Variants in ELOVL6 observed in about 807,000 individuals in gnomAD.
ELOVL6 encodes ELOVL fatty acid elongase 6.
ELOVL6 carries 8 observed loss-of-function variants against 31.7 expected under a neutral mutation model. That is an observed-to-expected ratio of 0.25 (90% CI 0.15 to 0.45). The LOEUF is 0.45. Ranked by LOEUF, ELOVL6 falls within the 20% of genes least tolerant of loss-of-function variation. ELOVL6 has a pLI of 1.00. For missense variants in ELOVL6, 126 were observed against 326.4 expected (o/e 0.39, Z 4.73); for synonymous variants, 101 against 117.7 (o/e 0.86, Z 0.92).
chr4:110,115,045 T>C (rs1266332226), intron 1 of ELOVL6, among the ~76,000 whole-genome samples: 2 of 152,078 alleles, frequency 1.3e-5, no homozygotes, highest in Non-Finnish European at 2.9e-5. Context: ...AATCACCTCA[T>C]AGACAGCTGA....
intron 1 of ELOVL6, chr4:110,117,903 A>AATAAATATATATATATATATATATAT (rs1757223933): frequency 1.5e-4 from 1 of 6,506 alleles, no homozygotes; most frequent in Non-Finnish European, 3.7e-4. Context: ...AAAAAAAAAA[A>AATAAATATATATATATATATATATAT]ATATATATAT....
intron 1 of ELOVL6, among the ~76,000 whole-genome samples, chr4:110,158,657 A>ATATATATATTTTTTTTTTT: frequency 1.3e-5 from 1 of 74,162 alleles, no homozygotes; most frequent in East Asian, 3.1e-4. Flanking sequence ...ATATATATAT[A>ATATATATATTTTTTTTTTT]TTTTTTTTTT....
At chr4:110,107,453 G>A (rs771246353) in intron 1 of ELOVL6, among the ~76,000 whole-genome samples, 17 of 152,102 alleles carry the variant, frequency 1.1e-4, no homozygotes, top group Admixed American at 7.2e-4. Context: ...TACTTTCCCC[G>A]TAATACATTA....
At chr4:110,106,506 G>C (rs10012789) in intron 1 of ELOVL6, among the ~76,000 whole-genome samples, 47,079 of 151,844 alleles carry the variant, frequency 0.31, 8,407 homozygotes, top group East Asian at 0.71. Context: ...TTTTTAGACT[G>C]TATACTGTAC....
chr4:110,093,684 C>T (rs1467195402), intron 2 of ELOVL6, among the ~76,000 whole-genome samples: 2 of 152,032 alleles, frequency 1.3e-5, no homozygotes, highest in African/African-American at 4.8e-5. Flanking sequence ...TAAAGAGCAC[C>T]TACTTAGGCA....
At chr4:110,073,556 A>T (rs1053838611) in intron 2 of ELOVL6, among the ~76,000 whole-genome samples, 4 of 152,238 alleles carry the variant, frequency 2.6e-5, no homozygotes, top group African/African-American at 4.8e-5. Context: ...CTTGCTTCAC[A>T]GATTCCCAGA....
chr4:110,187,407 G>A (rs538536464), intron 1 of ELOVL6, among the ~76,000 whole-genome samples: 1 of 149,948 alleles, frequency 6.7e-6, no homozygotes, highest in East Asian at 2.0e-4. Flanking sequence ...TAACTGCTTG[G>A]ACAAATGAAG....
intron 2 of ELOVL6, among the ~76,000 whole-genome samples, chr4:110,084,034 G>GATATATATCAT: frequency 1.1e-4 from 1 of 9,214 alleles, no homozygotes; most frequent in African/African-American, 2.7e-4. Context: ...TGCCATATAT[G>GATATATATCAT]GTATATAACA....
At chr4:110,108,832 T>C (rs1756955358) in intron 1 of ELOVL6, among the ~76,000 whole-genome samples, 1 of 152,220 alleles carries the variant, frequency 6.6e-6, no homozygotes, top group Admixed American at 6.5e-5. Context: ...CACAGAAATC[T>C]TTTACTGTAG....
chr4:110,176,086 G>A (rs72900563), intron 1 of ELOVL6, among the ~76,000 whole-genome samples: 1 of 150,146 alleles, frequency 6.7e-6, no homozygotes, highest in African/African-American at 2.4e-5. Context: ...TATCTTCAGA[G>A]ATTAAAGAGT....
intron 1 of ELOVL6, among the ~76,000 whole-genome samples, chr4:110,187,437 A>G (rs537138185): frequency 1.3e-5 from 2 of 151,476 alleles, no homozygotes; most frequent in Middle Eastern, 3.4e-3. Context: ...GTTAGACCTC[A>G]GCAAAATGAA....
chr4:110,185,968 G>T (rs1398662021), intron 1 of ELOVL6, among the ~76,000 whole-genome samples: 9 of 152,090 alleles, frequency 5.9e-5, no homozygotes, highest in African/African-American at 1.4e-4. Context: ...GAGGTGGGCG[G>T]ATCACAAGGT....
chr4:110,197,417 C>T (rs1314474607), intron 1 of ELOVL6, among the ~76,000 whole-genome samples: 1 of 152,140 alleles, frequency 6.6e-6, no homozygotes, highest in Non-Finnish European at 1.5e-5. Context: ...TTATTAGTTT[C>T]CTAGGGAAGA....
At chr4:110,194,248 A>G (rs747791800) in intron 1 of ELOVL6, among the ~76,000 whole-genome samples, 1 of 152,214 alleles carries the variant, frequency 6.6e-6, no homozygotes, top group Non-Finnish European at 1.5e-5. Context: ...TCTATTTTCA[A>G]TGTTGTAAAA....
chr4:110,120,798 C>CTTTTTTTTTTTTTT (rs1008949209), intron 1 of ELOVL6, among the ~76,000 whole-genome samples: 3 of 117,860 alleles, frequency 2.5e-5, no homozygotes, highest in African/African-American at 3.0e-5. Context: ...TTTTTCTTTT[C>CTTTTTTTTTTTTTT]TTTTTTTTTT....
chr4:110,073,446 C>T (rs1458043696), intron 2 of ELOVL6, among the ~76,000 whole-genome samples: 1 of 152,154 alleles, frequency 6.6e-6, no homozygotes, highest in East Asian at 1.9e-4. Context: ...CCCTTAAGCA[C>T]CAATGAATAA....
chr4:110,162,274 A>G (rs1241282123), intron 1 of ELOVL6, among the ~76,000 whole-genome samples: 1 of 152,264 alleles, frequency 6.6e-6, no homozygotes, highest in East Asian at 1.9e-4. Flanking sequence ...CAGACTCAGT[A>G]AAACTTTAAT....
chr4:110,162,915 A>G (rs892318625), intron 1 of ELOVL6, among the ~76,000 whole-genome samples: 10 of 152,210 alleles, frequency 6.6e-5, no homozygotes, highest in African/African-American at 2.2e-4. Flanking sequence ...TCAGGAGTGA[A>G]CAATTTACTT....
At chr4:110,127,516 C>T (rs1432923095) in intron 1 of ELOVL6, among the ~76,000 whole-genome samples, 1 of 151,722 alleles carries the variant, frequency 6.6e-6, no homozygotes, top group Non-Finnish European at 1.5e-5. Context: ...AATTCCTTAT[C>T]CTTTTTTAAA....
Sources: gnomAD v4.1 joint callset for allele counts (sites outside exome capture counted in the v4.1 genomes callset) on GRCh38, gnomAD v4.1.1 for gene constraint, MANE v1.5 for transcripts, NCBI Gene and HGNC (gene_info 2026-07-23, HGNC 2026-07-21) for gene names.